The following UNC79 variants were observed in gnomAD, a reference collection of about 807,000 sequenced individuals.
UNC79 encodes the protein protein unc-79 homolog.
In UNC79, 37 loss-of-function variants were observed where a neutral mutation model predicts 283.1. That is an observed-to-expected ratio of 0.13 (90% CI 0.10 to 0.17). The LOEUF (loss-of-function observed/expected upper bound fraction) is 0.17, where lower values mean the gene tolerates loss of function less well. Ranked by LOEUF, UNC79 falls within the 10% of genes least tolerant of loss-of-function variation. UNC79 has a pLI of 1.00. For missense variants in UNC79, 2,272 were observed against 3,211.1 expected, an observed-to-expected ratio of 0.71 and a Z score of 7.07; for synonymous variants, 1,107 against 1,200.2, an observed-to-expected ratio of 0.92 and a Z score of 1.61.
At chr14:93,580,653 A>T (rs1376919918) in intron 19 of UNC79, among the ~76,000 whole-genome samples, 1 of 152,236 alleles carries the variant, frequency 6.6e-6, no homozygotes, top group Non-Finnish European at 1.5e-5. Flanking sequence ...TATTCTTAAA[A>T]GAACTTTTAT....
At chr14:93,516,146 A>T (rs916771980) in intron 7 of UNC79, among the ~76,000 whole-genome samples, 4 of 152,062 alleles carry the variant, frequency 2.6e-5, no homozygotes, top group Non-Finnish European at 5.9e-5. Flanking sequence ...ATAATTAACC[A>T]TATATGTATG....
At chr14:93,371,451 A>T (rs1179112818) in intron 1 of UNC79, among the ~76,000 whole-genome samples, 1 of 152,090 alleles carries the variant, frequency 6.6e-6, no homozygotes, top group Non-Finnish European at 1.5e-5. Context: ...AACGCAGAAC[A>T]CAACACTTAG....
At chr14:93,581,483 T>C (rs1451163357) in intron 19 of UNC79, among the ~76,000 whole-genome samples, 3 of 137,706 alleles carry the variant, frequency 2.2e-5, no homozygotes, top group Admixed American at 1.4e-4. Flanking sequence ...AGTATTTGCA[T>C]CTTTTTTTTT....
At chr14:93,610,735 C>T (rs1238178598) in intron 26 of UNC79, among the ~76,000 whole-genome samples, 4 of 151,888 alleles carry the variant, frequency 2.6e-5, no homozygotes, top group African/African-American at 4.8e-5. Flanking sequence ...CTCAGCCTCC[C>T]GAGTAGCTGG....
rs543595476 is a variant in UNC79 at position 93,517,515 on chromosome 14, T to C, written c.899-6463T>C. Among the ~76,000 whole-genome samples, 126 of 151,926 alleles carry C rather than the reference T, an allele frequency of 8.3e-4. 1 individual carries two copies. The South Asian group carries it at 0.026, about 31-fold the overall frequency. On this transcript the variant is annotated intron_variant, in intron 7 of 48. Coordinates refer to ENST00000555664, the Ensembl canonical transcript of UNC79. Reference sequence around the variant, plus strand: ...GATTGAGGAAATTACTGTCTGTTCTTAGTTTGCTGAGAGCTTTAATCATGA... The same window carrying C: ...GATTGAGGAAATTACTGTCTGTTCTCAGTTTGCTGAGAGCTTTAATCATGA...
At position 93,529,276 on chromosome 14, in the gene UNC79, T is replaced by C. The variant is rs2060689244; in HGVS notation, c.1053-10T>C. The C allele has an allele frequency of 6.2e-7, 1 of 1,612,910 alleles. No individual in the cohort carries two copies. Among genetic ancestry groups the C allele is most frequent in the African/African-American group, 1.3e-5 (1 of 74,882 alleles). ...TGAAGCTCAAAAATGAATTTTGTTT[T>C]TTTCAATAGGGACCACAGTGAGTGG... On this transcript the variant is annotated splice_polypyrimidine_tract_variant and intron_variant, in intron 9 of 48. Transcript: ENST00000555664.
chr14:93,497,709 T>C (rs2059077207), intron 7 of UNC79, among the ~76,000 whole-genome samples: 1 of 152,154 alleles, frequency 6.6e-6, no homozygotes, highest in East Asian at 1.9e-4. Context: ...TGACCCAGAC[T>C]GGGCACAGTG....
intron 31 of UNC79, among the ~76,000 whole-genome samples, chr14:93,635,702 T>C (rs1035545953): frequency 2.6e-5 from 4 of 152,202 alleles, no homozygotes; most frequent in African/African-American, 7.2e-5. Flanking sequence ...TAACAGATAG[T>C]TTCAACTCTC....
At chr14:93,418,511 T>C (rs2055515279) in intron 1 of UNC79, among the ~76,000 whole-genome samples, 1 of 151,724 alleles carries the variant, frequency 6.6e-6, no homozygotes, top group Admixed American at 6.6e-5. Flanking sequence ...CGTTCTCAGA[T>C]CTCCAGCTGC....
chr14:93,638,781 C>T (rs887281371), intron 32 of UNC79, among the ~76,000 whole-genome samples: 6 of 152,150 alleles, frequency 3.9e-5, no homozygotes, highest in Non-Finnish European at 8.8e-5. Flanking sequence ...ACATTGCAGA[C>T]TTATTGTGAC....
chr14:93,354,550 T>A (rs1439133210), intron 1 of UNC79, among the ~76,000 whole-genome samples: 1 of 152,182 alleles, frequency 6.6e-6, no homozygotes, highest in Non-Finnish European at 1.5e-5. Flanking sequence ...CAGGCTGGAA[T>A]GTAGTGGTGC....
At chr14:93,379,405 A>C (rs2054620854) in intron 1 of UNC79, among the ~76,000 whole-genome samples, 1 of 152,080 alleles carries the variant, frequency 6.6e-6, no homozygotes, top group South Asian at 2.1e-4. Flanking sequence ...AACTTTTTTG[A>C]GGTTGGCAAA....
rs753128821 is a variant in UNC79 at position 93,477,586 on chromosome 14, T to C, written c.477T>C (p.Thr159=). ...TTGGACAGTCGATATTTTATACAAC[T>C]ACATGTTTGCTACCTTTTCTCAATG... Residue 159 remains threonine (T), a synonymous_variant, in exon 4 of 49, where the codon ACT becomes ACC. Coordinates refer to ENST00000555664, the Ensembl canonical transcript of UNC79. The C allele has an allele frequency of 9.3e-6, 15 of 1,609,080 alleles. No individual in the cohort carries two copies. The South Asian group carries it at 1.7e-4, about 18-fold the overall frequency.
chr14:93,569,474 C>G (rs1225971366), intron 14 of UNC79, among the ~76,000 whole-genome samples: 1 of 152,110 alleles, frequency 6.6e-6, no homozygotes, highest in Non-Finnish European at 1.5e-5. Flanking sequence ...AGATTGCTGT[C>G]AGGTTCTTGA....
intron 1 of UNC79, among the ~76,000 whole-genome samples, chr14:93,461,485 C>T (rs2056961108): frequency 6.6e-6 from 1 of 152,154 alleles, no homozygotes; most frequent in African/African-American, 2.4e-5. Context: ...TTTGTGTATG[C>T]ACAGACCTCT....
Position 93,653,493 on chromosome 14 carries a change from C to T in UNC79, c.6084-249C>T, listed in dbSNP as rs138318759. Among the ~76,000 whole-genome samples, 244 of 152,204 alleles carry T rather than the reference C, an allele frequency of 1.6e-3. 1 individual carries two copies. The highest frequency in any genetic ancestry group is 5.2e-3 in the African/African-American group (215 of 41,534). On this transcript the variant is annotated intron_variant, in intron 35 of 48. Transcript: ENST00000555664. ...GACCTCTTCTCTCAGGATCTCATAA[C>T]CTTCCTGAGTCCATTGTGGGACCTG...
intron 1 of UNC79, among the ~76,000 whole-genome samples, chr14:93,419,703 C>T (rs1205093786): frequency 6.6e-6 from 1 of 151,534 alleles, no homozygotes; most frequent in Non-Finnish European, 1.5e-5. Flanking sequence ...TATTTGTAGG[C>T]CTCATGGTAA....
intron 40 of UNC79, among the ~76,000 whole-genome samples, 186 bp downstream of exon 43, chr14:93,662,900 A>G (rs2071755911): frequency 6.6e-6 from 1 of 152,192 alleles, no homozygotes; most frequent in South Asian, 2.1e-4. Flanking sequence ...ACACACACAC[A>G]CACAAACACA....
chr14:93,544,112 G>A (rs1006060691), intron 14 of UNC79, among the ~76,000 whole-genome samples: 5 of 152,208 alleles, frequency 3.3e-5, no homozygotes, highest in African/African-American at 7.2e-5. Context: ...TCTGGAAAAT[G>A]AGAAGAAATG....
Sources: gnomAD v4.1 joint callset for allele counts (sites outside exome capture counted in the v4.1 genomes callset) on GRCh38, gnomAD v4.1.1 for gene constraint, MANE v1.5 for transcripts, NCBI Gene and HGNC (gene_info 2026-07-23, HGNC 2026-07-21) for gene names.